The following N4BP2L2 variants were observed in gnomAD, a reference collection of about 807,000 sequenced individuals.
N4BP2L2 encodes the protein NEDD4-binding protein 2-like 2.
A neutral mutation model predicts 56.2 loss-of-function variants in N4BP2L2; 50 were observed. The ratio of observed to expected loss-of-function variants is 0.89; its 90% CI spans 0.71 to 1.13. The LOEUF is 1.13. N4BP2L2 is among the 50% of genes most tolerant of loss of function. The pLI is 0.00. For missense variants in N4BP2L2, 689 were observed against 693.8 expected (o/e 0.99, Z 0.08); for synonymous variants, 203 against 223.6 (o/e 0.91, Z 0.82).
At chr13:32,529,088 G>A (rs1023156650) in intron 2 of N4BP2L2, among the ~76,000 whole-genome samples, 1 of 152,138 alleles carries the variant, frequency 6.6e-6, no homozygotes, top group South Asian at 2.1e-4. Context: ...AAGGAAAAAA[G>A]TCTGTACATT....
At chr13:32,496,114 T>C (rs2139443598) in intron 6 of N4BP2L2, among the ~76,000 whole-genome samples, 2 of 152,318 alleles carry the variant, frequency 1.3e-5, no homozygotes, top group South Asian at 4.1e-4. Context: ...GGCAATGTGC[T>C]AGCTGGCAGA....
At chr13:32,518,777 T>C (rs991805716) in intron 5 of N4BP2L2, among the ~76,000 whole-genome samples, 2 of 152,194 alleles carry the variant, frequency 1.3e-5, no homozygotes, top group Admixed American at 6.5e-5. Flanking sequence ...TCCCATGACA[T>C]GGGTGATAGC....
At chr13:32,492,344 G>A (rs902231929) in intron 6 of N4BP2L2, among the ~76,000 whole-genome samples, 3 of 144,086 alleles carry the variant, frequency 2.1e-5, no homozygotes, top group Non-Finnish European at 3.0e-5. Flanking sequence ...GTGCGGTGGC[G>A]CGATCTCTGC....
At chr13:32,443,825 T>G in exon 7 of N4BP2L2, 1 of 1,586,660 alleles carries the variant, frequency 6.3e-7, no homozygotes, top group South Asian at 1.2e-5. Context: ...GACATAACGT[T>G]TTGGAAACTG....
chr13:32,525,762 T>C (rs866887943), intron 3 of N4BP2L2, among the ~76,000 whole-genome samples: 23 of 152,344 alleles, frequency 1.5e-4, no homozygotes, highest in African/African-American at 5.3e-4. Context: ...TATTATACTT[T>C]AGGGCAACCC....
chr13:32,534,878 C>T (rs898677623), intron 2 of N4BP2L2, among the ~76,000 whole-genome samples: 1 of 152,142 alleles, frequency 6.6e-6, no homozygotes, highest in Non-Finnish European at 1.5e-5. Context: ...GCTTTCTTTA[C>T]ACTATTTTTT....
chr13:32,536,386 G>A (rs1420363913), exon 2 of N4BP2L2: 1 of 1,614,064 alleles, frequency 6.2e-7, no homozygotes, highest in South Asian at 1.1e-5. Flanking sequence ...CAGGTTTTAA[G>A]AGACCATTAT....
rs763146060 is a variant in N4BP2L2, at chr13:32,446,317, G to A, written c.366-2191C>T. Reference sequence around the variant, plus strand: ...CTATAAAAAGGATATTGAGTAAAGAGTGCTATCTGTGGTTGTAACTCTCCT... The same window carrying A: ...CTATAAAAAGGATATTGAGTAAAGAATGCTATCTGTGGTTGTAACTCTCCT... On this transcript the variant is annotated intron_variant, in intron 6 of 9. Coordinates refer to the N4BP2L2 transcript ENST00000357505. 4.6e-6 allele frequency: 6 copies of A among 1,296,478 alleles called. No homozygotes were observed. In the African/African-American group the frequency reaches 9.0e-5, roughly 20 times the overall value. 80.3% of individuals were successfully genotyped at this position (1,296,478 alleles called of 1,614,324 possible).
chr13:32,479,627 A>G (rs2084151738), intron 6 of N4BP2L2, among the ~76,000 whole-genome samples: 1 of 151,936 alleles, frequency 6.6e-6, no homozygotes, highest in Non-Finnish European at 1.5e-5. Flanking sequence ...CAGAAGCAAA[A>G]AAAAAAAGGA....
chr13:32,433,078 T>G (rs1171702958), intron 9 of N4BP2L2: 1 of 152,260 alleles, frequency 6.6e-6, no homozygotes. Flanking sequence ...TCCCCTGGCA[T>G]CCAGGACTTC....
At chr13:32,443,969 G>C (rs375672574) in exon 7 of N4BP2L2, 7 of 1,606,112 alleles carry the variant, frequency 4.4e-6, no homozygotes, top group Non-Finnish European at 6.0e-6. Flanking sequence ...TCTTCACTCT[G>C]AGATGGGTCC....
chr13:32,442,821 T>A lies in N4BP2L2; in HGVS notation c.1671A>T (p.Gly557=), dbSNP rs372780430. The A allele has an allele frequency of 2.8e-5, 45 of 1,613,600 alleles. No homozygotes were observed. The highest frequency in any genetic ancestry group is 3.6e-5 in the Non-Finnish European group (43 of 1,179,828). Reference sequence around the variant, plus strand: ...ATGACAGGCAATGAGAATAACGCTGTCCATCAATATTTAAAGGGGTAGCTT... The same window carrying A: ...ATGACAGGCAATGAGAATAACGCTGACCATCAATATTTAAAGGGGTAGCTT... Residue 557 remains glycine (G), a synonymous_variant, in exon 7 of 10, where the codon GGA becomes GGT. Transcript: ENST00000357505.
At chr13:32,457,784 G>A (rs1001291914) in intron 6 of N4BP2L2, among the ~76,000 whole-genome samples, 1 of 152,140 alleles carries the variant, frequency 6.6e-6, no homozygotes, top group African/African-American at 2.4e-5. Context: ...ACACATGAAA[G>A]TATAAAACTC....
chr13:32,475,266 C>T (rs940225489), intron 6 of N4BP2L2, among the ~76,000 whole-genome samples: 1 of 152,192 alleles, frequency 6.6e-6, no homozygotes, highest in Non-Finnish European at 1.5e-5. Context: ...GCTATATACC[C>T]TGATTTCTGG....
chr13:32,506,819 C>T (rs1310407929), downstream of N4BP2L2: 1 of 152,120 alleles, frequency 6.6e-6, no homozygotes, highest in Admixed American at 6.5e-5. Flanking sequence ...ATAGGAAAAA[C>T]AGTAACATCA....
chr13:32,433,431 G>A (rs975354533), intron 9 of N4BP2L2, among the ~76,000 whole-genome samples: 2 of 151,972 alleles, frequency 1.3e-5, no homozygotes, highest in African/African-American at 4.8e-5. Context: ...AGGAGTTCAA[G>A]ACCAGCCTGG....
chr13:32,527,372 A>C (rs1442446651), intron 3 of N4BP2L2, 36 bp downstream of exon 3: 2 of 1,600,986 alleles, frequency 1.2e-6, no homozygotes, highest in Non-Finnish European at 1.7e-6. Flanking sequence ...CTCCTAGCCA[A>C]ATATTCTATC....
At chr13:32,501,827 G>T (rs1166524546) in intron 6 of N4BP2L2, among the ~76,000 whole-genome samples, 1 of 151,460 alleles carries the variant, frequency 6.6e-6, no homozygotes, top group Non-Finnish European at 1.5e-5. Flanking sequence ...TGAGAGATAG[G>T]GAGACTCTGT....
chr13:32,470,218 G>A (rs1056718787), intron 6 of N4BP2L2, among the ~76,000 whole-genome samples: 2 of 152,182 alleles, frequency 1.3e-5, no homozygotes, highest in Non-Finnish European at 2.9e-5. Context: ...ATGGAACTGG[G>A]ACTTCTTTTC....
Sources: allele counts gnomAD v4.1 joint callset (sites outside exome capture counted in the v4.1 genomes callset), GRCh38; gene constraint gnomAD v4.1.1; transcripts MANE v1.5; gene names NCBI Gene and HGNC (gene_info 2026-07-23, HGNC 2026-07-21).